Variants in COL9A1 observed in about 807,000 individuals in gnomAD.
COL9A1 encodes collagen type IX alpha 1 chain.
In COL9A1, 104 loss-of-function variants were observed where a neutral mutation model predicts 142.6. The ratio of observed to expected loss-of-function variants is 0.73; its 90% confidence interval spans 0.62 to 0.86. The LOEUF is 0.86. Ranked by LOEUF, COL9A1 falls within the 40% of genes least tolerant of loss-of-function variation. The pLI, the probability that COL9A1 is intolerant of heterozygous loss-of-function variation, is 0.00. For missense variants in COL9A1, 1,210 were observed against 1,176.6 expected (o/e 1.03, Z -0.42); for synonymous variants, 466 against 396.0 (o/e 1.18, Z -2.10).
In COL9A1 at chr6:70,216,693, C is replaced by G; in HGVS notation, c.*204G>C. On this transcript the variant is annotated 3_prime_UTR_variant, in exon 38 of 38. Coordinates refer to ENST00000357250, the MANE Select transcript of COL9A1 (RefSeq NM_001851.6). ...AACTGATGACTCTGCTGTCTTCCCT[C>G]CAAGGGAAAGGAAAGAGAACTTACT... The G allele has an allele frequency of 1.6e-6, 1 of 617,300 alleles. No individual in the cohort carries two copies. The highest frequency in any genetic ancestry group is 2.9e-6 in the Non-Finnish European group (1 of 346,284). 38.2% of individuals were successfully genotyped at this position (617,300 alleles called of 1,614,324 possible).
In COL9A1 at chr6:70,280,863, A is replaced by G. The variant is rs1773111022; in HGVS notation, c.924T>C (p.Gly308=). Residue 308 remains glycine, a synonymous_variant, in exon 10 of 38, where the codon GGT becomes GGC. Transcript: ENST00000357250. ...CTGGAGCTCCTGGCTTTCCCGGTTC[A>G]CCTGCAGGACCCTGAGCAGGGGCAG... ...KGPPGPPGPA[G]EPGKPGAPGK... The G allele has an allele frequency of 1.2e-6, 2 of 1,613,312 alleles. No homozygotes were observed. Among genetic ancestry groups the G allele is most frequent in the Non-Finnish European group, 1.7e-6 (2 of 1,179,834 alleles).
chr6:70,253,285 TA>T, intron 26 of COL9A1, 99 bp downstream of exon 26: 1 of 840,834 alleles, frequency 1.2e-6, no homozygotes, highest in Non-Finnish European at 1.9e-6. Context: ...GGGCCAAATA[TA>T]AAATAAAACA....
chr6:70,233,721 A>G (rs1769705341), intron 35 of COL9A1, among the ~76,000 whole-genome samples: 1 of 152,348 alleles, frequency 6.6e-6, no homozygotes, highest in South Asian at 2.1e-4. Flanking sequence ...AGAGGCCTAT[A>G]TTGCTTTTCA....
intron 37 of COL9A1, among the ~76,000 whole-genome samples, chr6:70,220,854 T>C (rs1455330715): frequency 6.6e-6 from 1 of 152,362 alleles, no homozygotes; most frequent in Non-Finnish European, 1.5e-5. Flanking sequence ...CTGCCTCATG[T>C]GTGTATTACT....
chr6:70,238,926 G>T (rs553407606), intron 33 of COL9A1, among the ~76,000 whole-genome samples: 1 of 152,194 alleles, frequency 6.6e-6, no homozygotes, highest in Non-Finnish European at 1.5e-5. Context: ...ATCACCTGAG[G>T]TAAGGAATTC....
chr6:70,259,714 T>C (rs1410614271), intron 20 of COL9A1, among the ~76,000 whole-genome samples: 1 of 152,130 alleles, frequency 6.6e-6, no homozygotes, highest in Non-Finnish European at 1.5e-5. Flanking sequence ...TTCATGTCTC[T>C]TTTGCTTGCA....
At chr6:70,291,278 G>A (rs561641302) in intron 5 of COL9A1, among the ~76,000 whole-genome samples, 1 of 152,158 alleles carries the variant, frequency 6.6e-6, no homozygotes, top group African/African-American at 2.4e-5. Flanking sequence ...GACCCATCTG[G>A]GAATTTCCAA....
At chr6:70,252,921 C>T (rs1771043356) in intron 26 of COL9A1, among the ~76,000 whole-genome samples, 1 of 152,110 alleles carries the variant, frequency 6.6e-6, no homozygotes, top group African/African-American at 2.4e-5. Flanking sequence ...TCAAGCAAAG[C>T]TATATTTTAT....
At chr6:70,249,922 C>T (rs1770830300) in intron 28 of COL9A1, among the ~76,000 whole-genome samples, 1 of 152,122 alleles carries the variant, frequency 6.6e-6, no homozygotes, top group Admixed American at 6.5e-5. Flanking sequence ...ACAACAAGTG[C>T]TCAGTCAATG....
chr6:70,302,775 C>T (rs957333284), intron 1 of COL9A1, 136 bp downstream of exon 1: 13 of 995,636 alleles, frequency 1.3e-5, no homozygotes, highest in African/African-American at 4.8e-5. Context: ...CTTACTCTCT[C>T]ATCCGTCTCT....
intron 36 of COL9A1, among the ~76,000 whole-genome samples, chr6:70,226,819 C>T (rs1769260076): frequency 1.3e-5 from 2 of 151,962 alleles, no homozygotes; most frequent in Admixed American, 1.3e-4. Flanking sequence ...AAAATACAAA[C>T]CCATTTTTTA....
chr6:70,229,111 C>T (rs1038024255), intron 36 of COL9A1, among the ~76,000 whole-genome samples: 1 of 152,078 alleles, frequency 6.6e-6, no homozygotes, highest in African/African-American at 2.4e-5. Context: ...GGACTAAGAC[C>T]AGTGTCTTTG....
intron 37 of COL9A1, among the ~76,000 whole-genome samples, chr6:70,221,234 A>G (rs1384700013): frequency 6.6e-6 from 1 of 152,156 alleles, no homozygotes; most frequent in East Asian, 1.9e-4. Flanking sequence ...GCTGTGGCGT[A>G]AAAGGGACTG....
intron 37 of COL9A1, among the ~76,000 whole-genome samples, chr6:70,221,331 G>T (rs1272427081): frequency 6.6e-6 from 1 of 152,108 alleles, no homozygotes; most frequent in Admixed American, 6.5e-5. Context: ...TAGACTTTTT[G>T]TATGTACCAG....
In COL9A1 at chr6:70,235,842, C is replaced by T. The variant is rs567060549; in HGVS notation, c.2113-902G>A. On this transcript the variant is annotated intron_variant, in intron 33 of 37. Coordinates refer to ENST00000357250, the MANE Select transcript of COL9A1 (RefSeq NM_001851.6). ...TTAAAATACTTGACCAGGCCAGGTG[C>T]GGTGGCTCACGCCTGTAATCCCAGC... Among the ~76,000 whole-genome samples, 10 of 152,020 alleles carry T rather than the reference C, an allele frequency of 6.6e-5. No homozygotes were observed. The South Asian group carries it at 1.0e-3, about 16-fold the overall frequency.
intron 28 of COL9A1, 49 bp from the exon 29 acceptor site, chr6:70,242,764 T>C (rs1370555854): frequency 6.5e-7 from 1 of 1,547,730 alleles, no homozygotes; most frequent in Admixed American, 1.7e-5. Flanking sequence ...AAAATTCAAA[T>C]GCTTAGTTAC....
Position 70,234,781 on chromosome 6 carries a change from G to T in COL9A1, c.2259+13C>A. On this transcript the variant is annotated intron_variant, in intron 34 of 37. Transcript: ENST00000357250. ...TCTCCAAAGGGAAACCACAGAAGCT[G>T]CCCACCACTCACCGGAGGGCCCTGG... is the stretch of plus-strand genomic sequence containing the variant. The T allele has an allele frequency of 6.2e-7, 1 of 1,614,070 alleles. No individual in the cohort carries two copies. Among genetic ancestry groups the T allele is most frequent in the Middle Eastern group, 1.7e-4 (1 of 6,042 alleles).
At chr6:70,281,682 T>C (rs568786972) in intron 7 of COL9A1, among the ~76,000 whole-genome samples, 49 of 152,244 alleles carry the variant, frequency 3.2e-4, no homozygotes, top group East Asian at 7.7e-4. Flanking sequence ...TAGAGCAGGA[T>C]TGACGCCCCC....
At chr6:70,239,214 T>G in intron 33 of COL9A1, 40 bp downstream of exon 33, 1 of 1,303,926 alleles carries the variant, frequency 7.7e-7, no homozygotes, top group East Asian at 2.3e-5. Context: ...TTTATTAATG[T>G]TTTTAATTTT....
Sources: gnomAD v4.1 joint callset for allele counts (sites outside exome capture counted in the v4.1 genomes callset) on GRCh38, gnomAD v4.1.1 for gene constraint, MANE v1.5 for transcripts, NCBI Gene and HGNC (gene_info 2026-07-23, HGNC 2026-07-21) for gene names.